LDB2: variants seen among roughly 807,000 people sequenced by gnomAD.
LDB2 encodes the protein LIM domain binding 2.
Under a neutral mutation model 44.3 loss-of-function variants are expected in LDB2, and 12 were observed. That is an observed-to-expected ratio of 0.27 (90% CI 0.17 to 0.44). The LOEUF (loss-of-function observed/expected upper bound fraction) is 0.44, where lower values mean the gene tolerates loss of function less well. Ranked by LOEUF, LDB2 falls within the 20% of genes least tolerant of loss-of-function variation. The probability of loss-of-function intolerance (pLI) is 1.00; values close to 1 mark genes in which losing one functional copy is unlikely to be tolerated. For synonymous variants in LDB2, 164 were observed against 174.8 expected, an observed-to-expected ratio of 0.94 and a Z score of 0.49; for missense variants, 344 against 473.5, an observed-to-expected ratio of 0.73 and a Z score of 2.54.
intron 5 of LDB2, among the ~76,000 whole-genome samples, chr4:16,570,767 GGAT>G (rs1473568946): frequency 3.3e-5 from 5 of 151,974 alleles, no homozygotes; most frequent in African/African-American, 4.8e-5. Flanking sequence ...CCAGGCAGTG[GGAT>G]GATGATGATG....
intron 1 of LDB2, among the ~76,000 whole-genome samples, chr4:16,766,796 T>A (rs1389401649): frequency 6.6e-6 from 1 of 152,034 alleles, no homozygotes; most frequent in Non-Finnish European, 1.5e-5. Context: ...ATGAGCGTGC[T>A]TGGCCCCAAT....
chr4:16,586,782 G>C (rs1412238084), intron 4 of LDB2, among the ~76,000 whole-genome samples: 1 of 152,088 alleles, frequency 6.6e-6, no homozygotes, highest in African/African-American at 2.4e-5. Flanking sequence ...TGACTCTCTT[G>C]GTTGATATTC....
At chr4:16,662,753 G>C (rs533319684) in intron 2 of LDB2, among the ~76,000 whole-genome samples, 1 of 151,918 alleles carries the variant, frequency 6.6e-6, no homozygotes, top group Non-Finnish European at 1.5e-5. Context: ...CATGTAAGAC[G>C]CGTCTTTGTT....
chr4:16,636,629 A>T (rs1031155859), intron 2 of LDB2, among the ~76,000 whole-genome samples: 1 of 152,178 alleles, frequency 6.6e-6, no homozygotes, highest in South Asian at 2.1e-4. Context: ...TGAGGTTCAT[A>T]ATAGGAATAA....
At chr4:16,898,314 C>T in intron 1 of LDB2, 40 bp downstream of exon 1, 1 of 1,594,224 alleles carries the variant, frequency 6.3e-7, no homozygotes, top group Non-Finnish European at 8.6e-7. Context: ...CATAGCTTAA[C>T]AAAAATACAC....
At chr4:16,541,753 TC>T (rs1733853122) in intron 5 of LDB2, among the ~76,000 whole-genome samples, 1 of 152,142 alleles carries the variant, frequency 6.6e-6, no homozygotes, top group African/African-American at 2.4e-5. Context: ...TCTCACCTCA[TC>T]TATCACATAA....
intron 5 of LDB2, chr4:16,581,370 T>C (rs1307007686): frequency 1.5e-5 from 15 of 975,558 alleles, no homozygotes; most frequent in Non-Finnish European, 1.8e-5. Flanking sequence ...ACTGTTTAAC[T>C]TACTCCCAAG....
intron 1 of LDB2, among the ~76,000 whole-genome samples, chr4:16,793,273 AC>A (rs988032307): frequency 5.3e-5 from 8 of 151,872 alleles, no homozygotes; most frequent in Admixed American, 1.3e-4. Context: ...GCAGCTCCTG[AC>A]CCCCAGGGAG....
intron 5 of LDB2, among the ~76,000 whole-genome samples, chr4:16,541,040 C>T (rs191847770): frequency 2.6e-5 from 4 of 152,242 alleles, no homozygotes; most frequent in Admixed American, 2.6e-4. Flanking sequence ...TAACATTGTG[C>T]TTATTGTATA....
intron 2 of LDB2, among the ~76,000 whole-genome samples, chr4:16,741,045 T>C (rs1372438251): frequency 2.6e-5 from 4 of 152,156 alleles, no homozygotes; most frequent in Non-Finnish European, 5.9e-5. Flanking sequence ...AAGATGTAAT[T>C]TGATAATTGA....
chr4:16,892,825 C>T (rs919463161), intron 1 of LDB2, among the ~76,000 whole-genome samples: 1 of 152,086 alleles, frequency 6.6e-6, no homozygotes, highest in Non-Finnish European at 1.5e-5. Flanking sequence ...TTAAAAAATG[C>T]ATAGCGTTTA....
chr4:16,619,045 T>G (rs1728150034), intron 2 of LDB2, among the ~76,000 whole-genome samples: 1 of 152,212 alleles, frequency 6.6e-6, no homozygotes, highest in South Asian at 2.1e-4. Flanking sequence ...TCCTCAGTCA[T>G]GCTTCCTGTA....
At chr4:16,568,516 G>T (rs1745333702) in intron 5 of LDB2, among the ~76,000 whole-genome samples, 1 of 152,104 alleles carries the variant, frequency 6.6e-6, no homozygotes, top group Non-Finnish European at 1.5e-5. Flanking sequence ...GTAGGTATTA[G>T]CCCACTAACC....
chr4:16,711,529 G>A (rs1755868011), intron 2 of LDB2, among the ~76,000 whole-genome samples: 1 of 152,180 alleles, frequency 6.6e-6, no homozygotes. Flanking sequence ...GCAAATGAAA[G>A]GCTTTACACA....
chr4:16,743,302 T>A (rs777143031), intron 2 of LDB2, among the ~76,000 whole-genome samples: 22 of 151,914 alleles, frequency 1.4e-4, no homozygotes, highest in African/African-American at 5.3e-4. Flanking sequence ...AAAATATGCT[T>A]GTCAGGATGT....
At position 16,574,714 on chromosome 4, in the gene LDB2, G is replaced by T. The variant is rs1009574957; in HGVS notation, c.615+11208C>A. ...AGTACAAGTTGAGTCCTGATCTGCT[G>T]CACTCAGAAAGTACAGGAGGAGACT... On this transcript the variant is annotated intron_variant, in intron 5 of 7. Coordinates refer to ENST00000304523, the MANE Select transcript of LDB2 (RefSeq NM_001290.5). Among the ~76,000 whole-genome samples, 93 of 152,322 alleles carry T rather than the reference G, an allele frequency of 6.1e-4. 1 individual carries two copies. Among genetic ancestry groups the T allele is most frequent in the Middle Eastern group, 3.4e-3 (1 of 294 alleles).
intron 1 of LDB2, among the ~76,000 whole-genome samples, chr4:16,814,866 T>C (rs1220811665): frequency 6.6e-6 from 1 of 152,094 alleles, no homozygotes; most frequent in Non-Finnish European, 1.5e-5. Flanking sequence ...GTCCTGAAAA[T>C]AGAGTGAGAT....
At chr4:16,858,490 C>T (rs1789831066) in intron 1 of LDB2, among the ~76,000 whole-genome samples, 1 of 152,116 alleles carries the variant, frequency 6.6e-6, no homozygotes, top group Non-Finnish European at 1.5e-5. Context: ...AAGACTTTTC[C>T]CCCACAACAA....
At chr4:16,510,005 C>T (rs1721084874) in intron 6 of LDB2, among the ~76,000 whole-genome samples, 2 of 152,112 alleles carry the variant, frequency 1.3e-5, no homozygotes, top group Admixed American at 1.3e-4. Context: ...GTCCCAGATA[C>T]TCTTGAGGCT....
Sources: gnomAD v4.1 joint callset for allele counts (sites outside exome capture counted in the v4.1 genomes callset) on GRCh38, gnomAD v4.1.1 for gene constraint, MANE v1.5 for transcripts, NCBI Gene and HGNC (gene_info 2026-07-23, HGNC 2026-07-21) for gene names.